XKR4: variants seen among roughly 807,000 people sequenced by gnomAD.
XKR4 encodes the protein XK related 4.
XKR4 carries 12 observed loss-of-function variants against 53.9 expected under a neutral mutation model. The ratio of observed to expected loss-of-function variants is 0.22; its 90% CI spans 0.14 to 0.36. The LOEUF is 0.36. Among genes scored for constraint, XKR4 ranks in the 10% least tolerant of loss-of-function variants. The pLI, the probability that XKR4 is intolerant of heterozygous loss-of-function variation, is 1.00. For missense variants in XKR4, 799 were observed against 859.5 expected, an observed-to-expected ratio of 0.93 and a Z score of 0.88; for synonymous variants, 354 against 362.4, an observed-to-expected ratio of 0.98 and a Z score of 0.26.
rs148299121 is a variant in XKR4, at chr8:55,236,678, T to A, written c.807-121000T>A. 3.9e-3 allele frequency among the ~76,000 whole-genome samples: 598 copies of A among 152,250 alleles called. 6 individuals are homozygous for A. The highest frequency in any genetic ancestry group is 0.014 in the African/African-American group (562 of 41,546). ...CAGTCAGGCCCTCTACCCTCCTGCA[T>A]CTCTCGCCCCAGCTCCTCCCCATTT... On this transcript the variant is annotated intron_variant, in intron 1 of 2. Coordinates refer to ENST00000327381, the MANE Select transcript of XKR4 (RefSeq NM_052898.2).
At chr8:55,141,645 T>TTCTCTTTCTC (rs1554562804) in intron 1 of XKR4, among the ~76,000 whole-genome samples, 2 of 111,930 alleles carry the variant, frequency 1.8e-5, no homozygotes, top group Non-Finnish European at 3.7e-5. Context: ...GTGCTTCTGC[T>TTCTCTTTCTC]TCTCTCTCTC....
chr8:55,119,454 G>T (rs1266982638), intron 1 of XKR4, among the ~76,000 whole-genome samples: 1 of 152,146 alleles, frequency 6.6e-6, no homozygotes, highest in Admixed American at 6.5e-5. Context: ...GATATCTTCT[G>T]CTGTGTTGTG....
intron 1 of XKR4, among the ~76,000 whole-genome samples, chr8:55,289,650 G>GAAAGAAAGAAAGAAAGA (rs1563316470): frequency 2.9e-5 from 2 of 70,028 alleles, no homozygotes; most frequent in Admixed American, 1.5e-4. Context: ...AGAAAGAAAG[G>GAAAGAAAGAAAGAAAGA]AAGGAAGGAA....
chr8:55,129,778 G>A (rs1251279637), intron 1 of XKR4, among the ~76,000 whole-genome samples: 1 of 152,282 alleles, frequency 6.6e-6, no homozygotes, highest in African/African-American at 2.4e-5. Flanking sequence ...GGGAGGTGGT[G>A]GGAGAGGGAG....
At chr8:55,449,268 C>CCATT (rs1432795390) in intron 2 of XKR4, among the ~76,000 whole-genome samples, 1 of 152,070 alleles carries the variant, frequency 6.6e-6, no homozygotes, top group Non-Finnish European at 1.5e-5. Flanking sequence ...ATTTACAGGC[C>CCATT]CATTGCGGGC....
chr8:55,510,948 A>G (rs1246926445), intron 2 of XKR4, among the ~76,000 whole-genome samples: 1 of 152,190 alleles, frequency 6.6e-6, no homozygotes, highest in Non-Finnish European at 1.5e-5. Context: ...TCTCCCAGCC[A>G]GTCCAACCAT....
At chr8:55,258,605 G>C (rs1343653857) in intron 1 of XKR4, among the ~76,000 whole-genome samples, 3 of 152,188 alleles carry the variant, frequency 2.0e-5, no homozygotes, top group Admixed American at 6.5e-5. Context: ...AAAGCACTTA[G>C]TCTGATGTCT....
intron 1 of XKR4, among the ~76,000 whole-genome samples, chr8:55,195,765 A>C (rs1019891607): frequency 4.6e-5 from 7 of 152,212 alleles, no homozygotes; most frequent in African/African-American, 1.2e-4. Context: ...AGTTTTGCAT[A>C]TACAAACAAA....
chr8:55,189,183 A>AT (rs201492243), intron 1 of XKR4, among the ~76,000 whole-genome samples: 2,223 of 151,968 alleles, frequency 0.015, 28 homozygotes, highest in Non-Finnish European at 0.025. Flanking sequence ...ATTTATTTCC[A>AT]TTTTTTTTCC....
At chr8:55,341,047 A>G (rs1803537553) in intron 1 of XKR4, among the ~76,000 whole-genome samples, 1 of 152,134 alleles carries the variant, frequency 6.6e-6, no homozygotes, top group African/African-American at 2.4e-5. Flanking sequence ...CTTTTGGAGG[A>G]TTTATGTCTA....
chr8:55,107,452 G>A (rs931994311), intron 1 of XKR4, among the ~76,000 whole-genome samples: 3 of 152,182 alleles, frequency 2.0e-5, no homozygotes, highest in East Asian at 3.8e-4. Flanking sequence ...GGGAGCTGCA[G>A]TTTAGATGGA....
intron 1 of XKR4, among the ~76,000 whole-genome samples, chr8:55,108,517 T>C (rs1227777018): frequency 3.3e-5 from 5 of 152,170 alleles, no homozygotes; most frequent in Admixed American, 6.5e-5. Flanking sequence ...TTGGATGTCA[T>C]TGGGACATAT....
At chr8:55,454,017 C>A in intron 2 of XKR4, 1 of 884,116 alleles carries the variant, frequency 1.1e-6, no homozygotes, top group Non-Finnish European at 1.8e-6. Context: ...TGAATGCACA[C>A]GACGTGCAGG....
intron 2 of XKR4, chr8:55,454,838 A>T (rs1805533230): frequency 2.6e-6 from 2 of 763,884 alleles, no homozygotes; most frequent in Non-Finnish European, 4.9e-6. Flanking sequence ...GGCCTCCCTC[A>T]TCCTCCTCTT....
chr8:55,520,516 G>A (rs1258763531), intron 2 of XKR4, among the ~76,000 whole-genome samples: 2 of 152,210 alleles, frequency 1.3e-5, no homozygotes, highest in African/African-American at 2.4e-5. Flanking sequence ...AACCCAGGAG[G>A]TGACGGCTAC....
chr8:55,357,259 A>T (rs995986700), intron 1 of XKR4, among the ~76,000 whole-genome samples: 8 of 152,222 alleles, frequency 5.3e-5, no homozygotes, highest in African/African-American at 1.7e-4. Context: ...AGGCATAAGA[A>T]GGTTTATATG....
intron 1 of XKR4, among the ~76,000 whole-genome samples, chr8:55,239,090 A>C (rs1476536312): frequency 6.6e-6 from 1 of 152,170 alleles, no homozygotes; most frequent in African/African-American, 2.4e-5. Flanking sequence ...CATATAAAAA[A>C]CTGTAATAAT....
At chr8:55,276,763 AAG>A (rs1284357900) in intron 1 of XKR4, among the ~76,000 whole-genome samples, 1 of 152,262 alleles carries the variant, frequency 6.6e-6, no homozygotes, top group African/African-American at 2.4e-5. Flanking sequence ...TCAAGACAGA[AAG>A]AAATCATCGA....
intron 1 of XKR4, among the ~76,000 whole-genome samples, chr8:55,345,711 A>G (rs1023491616): frequency 1.3e-5 from 2 of 152,228 alleles, no homozygotes; most frequent in Non-Finnish European, 2.9e-5. Context: ...GCGGGACATT[A>G]CATGCACACT....
Sources: allele counts gnomAD v4.1 joint callset (sites outside exome capture counted in the v4.1 genomes callset), GRCh38; gene constraint gnomAD v4.1.1; transcripts MANE v1.5; gene names NCBI Gene and HGNC (gene_info 2026-07-23, HGNC 2026-07-21).